OSBPL1A: variants seen among roughly 807,000 people sequenced by gnomAD.
OSBPL1A encodes oxysterol-binding protein-related protein 1.
OSBPL1A carries 80 observed loss-of-function variants against 137.1 expected under a neutral mutation model. That is an observed-to-expected ratio of 0.58 (90% CI 0.49 to 0.70). The LOEUF (loss-of-function observed/expected upper bound fraction) is 0.70. Ranked by LOEUF, OSBPL1A falls within the 30% of genes least tolerant of loss-of-function variation. OSBPL1A has a pLI of 0.00. For missense variants in OSBPL1A, 970 were observed against 1,129.4 expected, an observed-to-expected ratio of 0.86 and a Z score of 2.02; for synonymous variants, 365 against 389.7, an observed-to-expected ratio of 0.94 and a Z score of 0.75.
rs544097168 is a variant in OSBPL1A at position 24,185,388 on chromosome 18, C to T, written c.1678-4109G>A. 8.7e-5 allele frequency among the ~76,000 whole-genome samples: 13 copies of T among 148,810 alleles called. No individual in the cohort carries two copies. The South Asian group carries it at 1.5e-3, about 17-fold the overall frequency. On this transcript the variant is annotated intron_variant, in intron 18 of 27. Coordinates refer to ENST00000319481, the MANE Select transcript of OSBPL1A (RefSeq NM_080597.4). ...TGTGGCCCAGGCTGGAGTGCAATGG[C>T]GGCTCACTGCAACCTCCGCCTCCTG...
intron 15 of OSBPL1A, among the ~76,000 whole-genome samples, chr18:24,241,351 T>C (rs377180340): frequency 3.9e-5 from 6 of 152,204 alleles, no homozygotes; most frequent in African/African-American, 1.4e-4. Flanking sequence ...ACCTACAGAA[T>C]GGGAGAAAAT....
Position 24,356,506 on chromosome 18 carries a change from A to AAATG in OSBPL1A, c.282+10382_282+10385dup, listed in dbSNP as rs1272414646. 5.3e-5 allele frequency among the ~76,000 whole-genome samples: 8 copies of AAATG among 152,274 alleles called. No homozygotes were observed. The South Asian group carries it at 1.5e-3, about 28-fold the overall frequency. On this transcript the variant is annotated intron_variant, in intron 4 of 27. Transcript: ENST00000319481. ...GGGGCATGCATGGGAGTGAGATGATAAATGGCGCCCTGGCTGAGGTCTGGC... is the reference window on the plus strand; with the variant it reads ...GGGGCATGCATGGGAGTGAGATGATAAATGAATGGCGCCCTGGCTGAGGTCTGGC...
chr18:24,310,613 A>AG (rs1326561203), intron 13 of OSBPL1A, among the ~76,000 whole-genome samples: 2 of 150,996 alleles, frequency 1.3e-5, no homozygotes, highest in Admixed American at 6.6e-5. Flanking sequence ...AAAAAAAAAA[A>AG]AAAAGAAAAG....
At chr18:24,322,459 A>C (rs1024150488) in intron 7 of OSBPL1A, among the ~76,000 whole-genome samples, 1 of 152,064 alleles carries the variant, frequency 6.6e-6, no homozygotes, top group East Asian at 1.9e-4. Context: ...AGGAAGATTT[A>C]TAGAGCTGCT....
chr18:24,359,406 C>T (rs2091588450), intron 4 of OSBPL1A, among the ~76,000 whole-genome samples: 1 of 151,816 alleles, frequency 6.6e-6, no homozygotes, highest in Non-Finnish European at 1.5e-5. Flanking sequence ...ATGTGTTTTA[C>T]AAGCATTCTC....
intron 6 of OSBPL1A, 152 bp downstream of exon 6, chr18:24,334,093 A>C (rs1238900435): frequency 1.9e-6 from 1 of 523,656 alleles, no homozygotes; most frequent in Non-Finnish European, 3.3e-6. Flanking sequence ...GAGTGTTTTT[A>C]GATATTAAGA....
At position 24,271,923 on chromosome 18, in the gene OSBPL1A, C is replaced by A. The variant is rs1777522329; in HGVS notation, c.1281+8919G>T. ...CCCGGGCCGCAGAGGTCTGCGCTGC[C>A]CCTCCGCCGCCGCTGGCTCGGCCGC... On this transcript the variant is annotated intron_variant, in intron 15 of 27. Coordinates refer to ENST00000319481, the MANE Select transcript of OSBPL1A (RefSeq NM_080597.4). The surrounding 1 kb of genome is among the most constrained non-coding windows in gnomAD (Gnocchi z 4.0). The A allele has an allele frequency of 3.0e-6, 3 of 983,672 alleles. No homozygotes were observed. In the African/African-American group the frequency reaches 5.2e-5, roughly 17 times the overall value. 60.9% of individuals were successfully genotyped at this position (983,672 alleles called of 1,614,324 possible).
chr18:24,389,090 AAAG>A (rs777680626), intron 1 of OSBPL1A, among the ~76,000 whole-genome samples: 50 of 152,278 alleles, frequency 3.3e-4, no homozygotes, highest in Admixed American at 1.4e-3. Context: ...GTTTAAGCCA[AAAG>A]AAGAAGATAA....
At chr18:24,217,724 T>G (rs747194710) in intron 17 of OSBPL1A, among the ~76,000 whole-genome samples, 3 of 152,176 alleles carry the variant, frequency 2.0e-5, no homozygotes, top group Non-Finnish European at 2.9e-5. Context: ...TGTCAGATTG[T>G]CAATGACTAA....
intron 5 of OSBPL1A, among the ~76,000 whole-genome samples, chr18:24,338,808 G>T (rs1382795826): frequency 6.6e-6 from 1 of 152,014 alleles, no homozygotes; most frequent in African/African-American, 2.4e-5. Context: ...CCACCTCCTG[G>T]GTTCAAGCAA....
At chr18:24,359,766 A>G (rs2146184051) in intron 4 of OSBPL1A, among the ~76,000 whole-genome samples, 1 of 152,322 alleles carries the variant, frequency 6.6e-6, no homozygotes, top group East Asian at 1.9e-4. Flanking sequence ...CATTATACAT[A>G]CCATATTCCT....
At chr18:24,181,336 T>C (rs1567925768) in intron 18 of OSBPL1A, 57 bp from the exon 19 acceptor site, 12 of 1,550,900 alleles carry the variant, frequency 7.7e-6, no homozygotes, top group Admixed American at 1.8e-5. Context: ...AACAAACCTA[T>C]TGTTATCTTT....
chr18:24,265,985 C>T (rs565356606), intron 15 of OSBPL1A, among the ~76,000 whole-genome samples: 2 of 152,274 alleles, frequency 1.3e-5, no homozygotes, highest in South Asian at 2.1e-4. Flanking sequence ...AAGATATTTT[C>T]GTGAGAATAA....
At chr18:24,195,986 C>G in intron 18 of OSBPL1A, 139 bp downstream of exon 18, 1 of 705,668 alleles carries the variant, frequency 1.4e-6, no homozygotes, top group Non-Finnish European at 2.4e-6. Context: ...TCACCTACGA[C>G]TTTTCACAAT....
intron 15 of OSBPL1A, among the ~76,000 whole-genome samples, chr18:24,248,452 G>T (rs893864500): frequency 6.6e-6 from 1 of 152,178 alleles, no homozygotes; most frequent in African/African-American, 2.4e-5. Context: ...TACAGGCATT[G>T]CCATCTTCTT....
At chr18:24,227,460 G>C (rs964615414) in intron 16 of OSBPL1A, among the ~76,000 whole-genome samples, 1 of 152,154 alleles carries the variant, frequency 6.6e-6, no homozygotes, top group Non-Finnish European at 1.5e-5. Context: ...TACAAGTAAA[G>C]AAATAATTTC....
intron 14 of OSBPL1A, among the ~76,000 whole-genome samples, chr18:24,294,227 T>C (rs1486632568): frequency 6.6e-6 from 1 of 151,888 alleles, no homozygotes; most frequent in Non-Finnish European, 1.5e-5. Context: ...GTTGTTTTTT[T>C]TTTTGGTGGT....
chr18:24,351,744 C>T (rs28718218), intron 4 of OSBPL1A, among the ~76,000 whole-genome samples: 98,325 of 151,942 alleles, frequency 0.65, 32,371 homozygotes, highest in East Asian at 0.82. Flanking sequence ...TTCACCATGT[C>T]GGCCAGGCTG....
intron 1 of OSBPL1A, among the ~76,000 whole-genome samples, chr18:24,387,056 G>A (rs1408134804): frequency 1.3e-5 from 2 of 151,640 alleles, no homozygotes; most frequent in Admixed American, 1.3e-4. Flanking sequence ...ATATATTTCT[G>A]AAATATGTAT....
Sources: allele counts gnomAD v4.1 joint callset (sites outside exome capture counted in the v4.1 genomes callset), GRCh38; gene constraint gnomAD v4.1.1; non-coding constraint Gnocchi (gnomAD v3.1); transcripts MANE v1.5; gene names NCBI Gene and HGNC (gene_info 2026-07-23, HGNC 2026-07-21).